The following FRMD4B variants were observed in gnomAD, a reference collection of about 807,000 sequenced individuals.
The protein encoded by FRMD4B is FERM domain-containing protein 4B.
Under a neutral mutation model 141.5 loss-of-function variants are expected in FRMD4B, and 74 were observed. The ratio of observed to expected loss-of-function variants is 0.52; its 90% confidence interval spans 0.43 to 0.63. FRMD4B has a LOEUF of 0.63. Among genes scored for constraint, FRMD4B ranks in the 30% least tolerant of loss-of-function variants. FRMD4B has a pLI of 0.00. For missense variants in FRMD4B, 1,366 were observed against 1,253.4 expected (o/e 1.09, Z -1.36); for synonymous variants, 506 against 467.9 (o/e 1.08, Z -1.05).
chr3:69,530,189 A>C (rs577678088), intron 1 of FRMD4B, among the ~76,000 whole-genome samples: 25 of 152,368 alleles, frequency 1.6e-4, no homozygotes, highest in Non-Finnish European at 3.2e-4. Context: ...TATTTTATTG[A>C]GTGCTGTAGC....
chr3:69,434,301 T>C (rs192832105), intron 1 of FRMD4B, among the ~76,000 whole-genome samples: 2 of 152,312 alleles, frequency 1.3e-5, no homozygotes, highest in Admixed American at 1.3e-4. Context: ...ACATAAGCCA[T>C]ATGCTATGCC....
At chr3:69,277,504 GCTTT>G in intron 5 of FRMD4B, among the ~76,000 whole-genome samples, 1 of 127,712 alleles carries the variant, frequency 7.8e-6, no homozygotes, top group East Asian at 2.4e-4. Context: ...GCATTTTCTT[GCTTT>G]CTTTCTGCTT....
intron 1 of FRMD4B, among the ~76,000 whole-genome samples, chr3:69,317,512 C>T (rs765341106): frequency 1.3e-4 from 20 of 151,814 alleles, no homozygotes; most frequent in African/African-American, 2.2e-4. Flanking sequence ...TTTGGGAGGC[C>T]GAGGCAGGAG....
rs574668492 is a variant in FRMD4B, at chr3:69,176,436, C to A, written c.2984+88G>T. On this transcript the variant is annotated intron_variant, in intron 22 of 22. Transcript: ENST00000398540. ...AGGCTAGAGTTTGCCAACCCCTGAA[C>A]TAGATTATCTGACGTTTGTAAATTA... The A allele has an allele frequency of 7.8e-6, 9 of 1,156,544 alleles. No homozygotes were observed. In the Admixed American group the frequency reaches 1.3e-4, roughly 17 times the overall value. The allele number at this position is 1,156,544 out of a possible 1,614,324, so 71.6% of individuals were successfully genotyped here. A position where few individuals can be genotyped will look rare whatever the true frequency, so the allele number is the denominator to read the frequency against.
chr3:69,338,066 A>G lies in FRMD4B; in HGVS notation c.163-24549T>C, dbSNP rs187623866. Among the ~76,000 whole-genome samples the G allele has an allele frequency of 2.7e-4, 41 of 152,378 alleles. No homozygotes were observed. In the South Asian group the frequency reaches 7.7e-3, roughly 28 times the overall value. On this transcript the variant is annotated intron_variant, in intron 1 of 22. Transcript: ENST00000398540. ...AGACTTGGAACCAACCCAAATGTCCAACAATGATAGACTGGATTAAGAAAA... is the reference window on the plus strand; with the variant it reads ...AGACTTGGAACCAACCCAAATGTCCGACAATGATAGACTGGATTAAGAAAA...
intron 1 of FRMD4B, among the ~76,000 whole-genome samples, chr3:69,534,355 G>T (rs1365063191): frequency 2.6e-5 from 4 of 152,008 alleles, no homozygotes; most frequent in Admixed American, 2.0e-4. Flanking sequence ...TTTTTTTCTG[G>T]TACACATTAA....
At chr3:69,334,156 T>A (rs535484891) in intron 1 of FRMD4B, 11 of 152,376 alleles carry the variant, frequency 7.2e-5, no homozygotes, top group South Asian at 2.1e-4. Flanking sequence ...CAAAGCAGAC[T>A]GGCTTCACAT....
rs756808510 is a variant in FRMD4B at position 69,224,637 on chromosome 3, G to A, written c.635C>T (p.Thr212Ile). 2 of 1,585,618 alleles carry A rather than the reference G, an allele frequency of 1.3e-6. No individual in the cohort carries two copies. Among genetic ancestry groups the A allele is most frequent in the Non-Finnish European group, 8.6e-7 (1 of 1,159,152 alleles). ...LKTLPAFPTKTLQEHPSLAYC... is the reference protein window; with the variant it reads ...LKTLPAFPTKILQEHPSLAYC... ...GGCAAGGGATGGATGCTCCTGAAGA[G>A]TTTTGGTTGGAAAGGCTGGTAATGT... The change falls in exon 8 of 23, where the codon ACT becomes ATT. Residue 212 changes from threonine to isoleucine, a missense_variant. Transcript: ENST00000398540.
chr3:69,185,698 C>G (rs192657109), intron 19 of FRMD4B, among the ~76,000 whole-genome samples: 14 of 152,202 alleles, frequency 9.2e-5, no homozygotes, highest in Admixed American at 9.2e-4. Flanking sequence ...AGATTAAGTT[C>G]ATTAATAAAT....
At chr3:69,333,628 T>G (rs990601304) in intron 1 of FRMD4B, among the ~76,000 whole-genome samples, 2 of 152,220 alleles carry the variant, frequency 1.3e-5, no homozygotes, top group African/African-American at 4.8e-5. Flanking sequence ...AGGGGACAAT[T>G]GGGACTGTTT....
intron 11 of FRMD4B, chr3:69,200,669 A>G (rs78561961): frequency 1.1e-4 from 136 of 1,250,250 alleles, no homozygotes; most frequent in Non-Finnish European, 1.4e-4. Flanking sequence ...TCAGTGGCAG[A>G]TTTTCCCAGA....
chr3:69,346,809 C>T (rs1252039179), intron 1 of FRMD4B, among the ~76,000 whole-genome samples: 1 of 152,056 alleles, frequency 6.6e-6, no homozygotes, highest in African/African-American at 2.4e-5. Context: ...CCAGGCCTGC[C>T]CTAAAAGAGC....
In FRMD4B at chr3:69,205,075, G is replaced by A. The variant is rs7430557; in HGVS notation, c.877-6301C>T. Among the ~76,000 whole-genome samples, 752 of 97,338 alleles carry A rather than the reference G, an allele frequency of 7.7e-3. 5 individuals are homozygous for A. Among genetic ancestry groups the A allele is most frequent in the African/African-American group, 0.025 (599 of 23,622 alleles). The allele number at this position is 97,338 out of a possible 152,430, so 63.9% of individuals were successfully genotyped here. A position where few individuals can be genotyped will look rare whatever the true frequency, so the allele number is the denominator to read the frequency against. ...TGTTTTTAACAAAAAAAAAAAAAAA[G>A]AAAAAGAGAAAAAAAGAGTAATTCT... On this transcript the variant is annotated intron_variant, in intron 11 of 22. Transcript: ENST00000398540.
chr3:69,506,245 G>A (rs1363718486), intron 1 of FRMD4B, among the ~76,000 whole-genome samples: 3 of 152,214 alleles, frequency 2.0e-5, no homozygotes, highest in East Asian at 1.9e-4. Flanking sequence ...AGAACAACAC[G>A]CATTTATGTT....
intron 1 of FRMD4B, among the ~76,000 whole-genome samples, chr3:69,368,498 A>C (rs1456584135): frequency 1.3e-5 from 2 of 152,192 alleles, no homozygotes; most frequent in Non-Finnish European, 2.9e-5. Flanking sequence ...CAGATCCCTC[A>C]AGCCTGTGCC....
At position 69,439,253 on chromosome 3, in the gene FRMD4B, AT is replaced by A. The variant is rs554692659; in HGVS notation, c.-128-6493del. Among the ~76,000 whole-genome samples, 1,464 of 152,236 alleles carry A rather than the reference AT, an allele frequency of 9.6e-3. 15 individuals are homozygous for A. The highest frequency in any genetic ancestry group is 0.015 in the Non-Finnish European group (1,004 of 68,032). On this transcript the variant is annotated intron_variant, in intron 1 of 5. Coordinates refer to the FRMD4B transcript ENST00000459638. ...AGTTTAATTCTCCATTTGTGGACTG[AT>A]GGCTATTTGGGTAGTGTCCGATTTT...
At chr3:69,411,353 T>C (rs1309935607) in intron 2 of FRMD4B, among the ~76,000 whole-genome samples, 1 of 152,148 alleles carries the variant, frequency 6.6e-6, no homozygotes, top group Non-Finnish European at 1.5e-5. Flanking sequence ...ATGACTCAAC[T>C]CACAAAAATA....
intron 8 of FRMD4B, 83 bp from the exon 9 acceptor site, chr3:69,222,006 C>A (rs1416194207): frequency 5.2e-6 from 4 of 772,686 alleles, no homozygotes; most frequent in South Asian, 4.5e-5. Context: ...AGGTGGCTGT[C>A]AGGAAACTTG....
At chr3:69,496,988 G>A (rs961921394) in intron 1 of FRMD4B, among the ~76,000 whole-genome samples, 2 of 151,688 alleles carry the variant, frequency 1.3e-5, no homozygotes, top group African/African-American at 2.4e-5. Flanking sequence ...TGCCTACGCC[G>A]AGGAAGGAGA....
Sources: allele counts gnomAD v4.1 joint callset (sites outside exome capture counted in the v4.1 genomes callset), GRCh38; gene constraint gnomAD v4.1.1; transcripts MANE v1.5; gene names NCBI Gene and HGNC (gene_info 2026-07-23, HGNC 2026-07-21).